The following WDR25 variants were observed in gnomAD, a reference collection of about 807,000 sequenced individuals.
WDR25 encodes WD repeat domain 25.
WDR25 carries 35 observed loss-of-function variants against 47.7 expected under a neutral mutation model. The ratio of observed to expected loss-of-function variants is 0.73; its 90% CI spans 0.56 to 0.97. The LOEUF is 0.97. WDR25 is among the 50% of genes least tolerant of loss of function. The pLI, the probability that WDR25 is intolerant of heterozygous loss-of-function variation, is 0.00. For synonymous variants in WDR25, 248 were observed against 278.9 expected (o/e 0.89, Z 1.10); for missense variants, 634 against 704.7 (o/e 0.90, Z 1.14).
chr14:100,419,221 CAAA>C (rs767240939), intron 2 of WDR25, among the ~76,000 whole-genome samples: 6 of 72,192 alleles, frequency 8.3e-5, no homozygotes, highest in Middle Eastern at 9.1e-3. Flanking sequence ...GACTCCATCA[CAAA>C]AAAAAAAAAA....
Position 100,525,732 on chromosome 14 carries a change from G to A in WDR25, c.1102-138G>A, listed in dbSNP as rs1016737940. 2 of 962,398 alleles carry A rather than the reference G, an allele frequency of 2.1e-6. No individual in the cohort carries two copies. The highest frequency in any genetic ancestry group is 2.6e-5 in the East Asian group (1 of 37,882). 59.6% of individuals were successfully genotyped at this position (962,398 alleles called of 1,614,324 possible). ...CCATGATTCCATATATGGCTTGTGG[G>A]TGCTGCTCAGCCTGGGTGTGTGTGG... On this transcript the variant is annotated intron_variant, in intron 4 of 6. Transcript: ENST00000402312. This position sits in a 1 kb window ranked among gnomAD's most constrained non-coding sequence, Gnocchi z 4.6.
At chr14:100,493,463 TTA>T (rs915379016) in intron 4 of WDR25, among the ~76,000 whole-genome samples, 3 of 152,188 alleles carry the variant, frequency 2.0e-5, no homozygotes, top group Admixed American at 2.0e-4. Context: ...TATGTTTTTT[TTA>T]AAATTAGACT....
intron 4 of WDR25, among the ~76,000 whole-genome samples, chr14:100,513,064 G>A (rs1051635412): frequency 6.6e-6 from 1 of 152,162 alleles, no homozygotes; most frequent in Non-Finnish European, 1.5e-5. Context: ...TGGTTGTTGG[G>A]TGCAGTGTTC....
intron 4 of WDR25, among the ~76,000 whole-genome samples, chr14:100,486,669 C>T (rs78826926): frequency 0.023 from 3,499 of 152,286 alleles, 154 homozygotes; most frequent in African/African-American, 0.075. Context: ...CTGTGGGCTC[C>T]TGTGGCGCTG....
intron 2 of WDR25, among the ~76,000 whole-genome samples, chr14:100,432,930 A>G (rs1280338434): frequency 1.3e-5 from 2 of 152,256 alleles, no homozygotes; most frequent in Non-Finnish European, 2.9e-5. Flanking sequence ...GCTGTACAGC[A>G]TGTGGCTGTG....
chr14:100,529,379 C>T lies in WDR25; in HGVS notation c.1413+171C>T, dbSNP rs775241128. ...TCACTGTCTCTTCAAGTCCCTGAAC[C>T]ACATCTGGTCCTCACCCCAGGCCCC... On this transcript the variant is annotated intron_variant, in intron 6 of 6. Transcript: ENST00000402312. The surrounding 1 kb of genome is among the most constrained non-coding windows in gnomAD (Gnocchi z 5.1). 2.2e-5 allele frequency: 22 copies of T among 1,007,480 alleles called. No homozygotes were observed. The African/African-American group carries it at 3.1e-4, about 14-fold the overall frequency. The allele number at this position is 1,007,480 out of a possible 1,614,324, so 62.4% of individuals were successfully genotyped here.
intron 2 of WDR25, among the ~76,000 whole-genome samples, chr14:100,432,252 A>G (rs1018973993): frequency 3.9e-5 from 6 of 152,266 alleles, no homozygotes; most frequent in African/African-American, 1.2e-4. Context: ...ACAAAATGAA[A>G]GGAAAGGAAG....
chr14:100,412,179 C>T (rs1897728376), intron 2 of WDR25, among the ~76,000 whole-genome samples: 1 of 148,116 alleles, frequency 6.8e-6, no homozygotes, highest in Non-Finnish European at 1.5e-5. Flanking sequence ...CGCACTCCAG[C>T]CTGGGTGACA....
At chr14:100,494,359 C>T (rs1900662865) in intron 4 of WDR25, among the ~76,000 whole-genome samples, 1 of 152,202 alleles carries the variant, frequency 6.6e-6, no homozygotes, top group Non-Finnish European at 1.5e-5. Context: ...CATTAGAGCC[C>T]TTAGCATGTT....
In WDR25 at chr14:100,430,626, G is replaced by A. The variant is rs990564161; in HGVS notation, c.823-37395G>A. On this transcript the variant is annotated intron_variant, in intron 2 of 6. Transcript: ENST00000402312. The surrounding 1 kb of genome is among the most constrained non-coding windows in gnomAD (Gnocchi z 4.7). ...TATGCCAGGCAGGACTGTGGTCCCT[G>A]TTTGCAGATGAGGACACTGAGGCAC... 5.3e-5 allele frequency among the ~76,000 whole-genome samples: 8 copies of A among 152,214 alleles called. No homozygotes were observed. Among genetic ancestry groups the A allele is most frequent in the African/African-American group, 1.9e-4 (8 of 41,444 alleles).
chr14:100,396,000 G>A (rs1160208516), intron 2 of WDR25, among the ~76,000 whole-genome samples: 2 of 137,886 alleles, frequency 1.5e-5, no homozygotes, highest in African/African-American at 2.8e-5. Flanking sequence ...TTTTTGAGAC[G>A]GAGTCTCGCT....
At chr14:100,426,587 G>C (rs571523398) in intron 2 of WDR25, among the ~76,000 whole-genome samples, 4 of 152,324 alleles carry the variant, frequency 2.6e-5, no homozygotes, top group Admixed American at 2.6e-4. Flanking sequence ...AGGCGGATTA[G>C]AGCCGAGTTC....
intron 2 of WDR25, chr14:100,454,480 A>C (rs1475202044): frequency 7.9e-7 from 1 of 1,269,450 alleles, no homozygotes; most frequent in South Asian, 1.2e-5. Context: ...TAGTTCTGGC[A>C]GACTAACCCT....
rs79210934 is a variant in WDR25, at chr14:100,523,113, C to T, written c.1102-2757C>T. 5.8e-3 allele frequency among the ~76,000 whole-genome samples: 876 copies of T among 152,306 alleles called. 46 individuals carry two copies. The East Asian group carries it at 0.12, about 21-fold the overall frequency. Reference sequence around the variant, plus strand: ...AGGATGTTGCTGGGAGCCGGAGGACCCTGGATTGCTACTTTTAAAGTAGTC... The same window carrying T: ...AGGATGTTGCTGGGAGCCGGAGGACTCTGGATTGCTACTTTTAAAGTAGTC... On this transcript the variant is annotated intron_variant, in intron 4 of 6. Coordinates refer to ENST00000402312, the MANE Select transcript of WDR25 (RefSeq NM_001161476.3). The surrounding 1 kb of genome is among the most constrained non-coding windows in gnomAD (Gnocchi z 4.7).
At chr14:100,405,926 C>T (rs28581530) in intron 2 of WDR25, among the ~76,000 whole-genome samples, 104,074 of 152,134 alleles carry the variant, frequency 0.68, 36,212 homozygotes, top group South Asian at 0.84. Flanking sequence ...TCTCAGGTGC[C>T]TACATGGGGC....
chr14:100,401,276 C>T (rs1403022701), intron 2 of WDR25, among the ~76,000 whole-genome samples: 2 of 152,166 alleles, frequency 1.3e-5, no homozygotes, highest in Non-Finnish European at 2.9e-5. Context: ...CTGCTTCTGC[C>T]GGCCTCCTCG....
chr14:100,460,826 G>A (rs1289803749), intron 2 of WDR25, among the ~76,000 whole-genome samples: 2 of 152,192 alleles, frequency 1.3e-5, no homozygotes, highest in Admixed American at 1.3e-4. Context: ...GCATTCTACT[G>A]GAGATTGCCA....
chr14:100,489,600 G>A (rs1268653843), intron 4 of WDR25, among the ~76,000 whole-genome samples: 1 of 152,190 alleles, frequency 6.6e-6, no homozygotes, highest in Non-Finnish European at 1.5e-5. Context: ...CTCAGTTAAG[G>A]CAAGATTGAA....
chr14:100,511,180 A>G (rs185917684), intron 4 of WDR25, among the ~76,000 whole-genome samples: 4 of 152,204 alleles, frequency 2.6e-5, no homozygotes, highest in East Asian at 1.9e-4. Flanking sequence ...ATACTTCTCT[A>G]TTTACTGAAG....
Sources: allele counts gnomAD v4.1 joint callset (sites outside exome capture counted in the v4.1 genomes callset), GRCh38; gene constraint gnomAD v4.1.1; non-coding constraint Gnocchi (gnomAD v3.1); transcripts MANE v1.5; gene names NCBI Gene and HGNC (gene_info 2026-07-23, HGNC 2026-07-21).